The following MYOF variants were observed in gnomAD, a reference collection of about 807,000 sequenced individuals.
MYOF encodes the protein myoferlin.
A neutral mutation model predicts 284.2 loss-of-function variants in MYOF; 244 were observed. The ratio of observed to expected loss-of-function variants is 0.86; its 90% CI spans 0.77 to 0.95. The LOEUF is 0.95. MYOF is among the 40% of genes least tolerant of loss of function. The probability of loss-of-function intolerance (pLI) is 0.00; values close to 1 mark genes in which losing one functional copy is unlikely to be tolerated. For synonymous variants in MYOF, 904 were observed against 919.7 expected, an observed-to-expected ratio of 0.98 and a Z score of 0.31; for missense variants, 2,496 against 2,560.6, an observed-to-expected ratio of 0.97 and a Z score of 0.54.
At chr10:93,322,942 A>G in intron 48 of MYOF, 136 bp downstream of exon 48, 1 of 839,048 alleles carries the variant, frequency 1.2e-6, no homozygotes, top group East Asian at 2.4e-5. Context: ...GAGCTACCTA[A>G]GTAGATCACA....
At chr10:93,442,204 C>T (rs959916969) in intron 3 of MYOF, among the ~76,000 whole-genome samples, 9 of 152,130 alleles carry the variant, frequency 5.9e-5, no homozygotes, top group South Asian at 2.1e-4. Context: ...GACTGTCTGA[C>T]GGACTCATAG....
chr10:93,357,370 T>C (rs1275598065), intron 29 of MYOF, among the ~76,000 whole-genome samples: 1 of 152,216 alleles, frequency 6.6e-6, no homozygotes, highest in Non-Finnish European at 1.5e-5. Context: ...ATTCGTGTGG[T>C]ACTTTTTAGC....
intron 3 of MYOF, among the ~76,000 whole-genome samples, chr10:93,441,561 CTTT>C (rs148461507): frequency 8.8e-5 from 11 of 125,056 alleles, no homozygotes; most frequent in East Asian, 2.3e-4. Flanking sequence ...ATTTTTGTAT[CTTT>C]TTTTTTTTTT....
chr10:93,353,465 G>A (rs1303565943), intron 32 of MYOF, among the ~76,000 whole-genome samples: 1 of 151,798 alleles, frequency 6.6e-6, no homozygotes, highest in African/African-American at 2.4e-5. Flanking sequence ...AAAACTTAAA[G>A]GATCTTAACT....
intron 31 of MYOF, among the ~76,000 whole-genome samples, chr10:93,354,937 A>G (rs1334957484): frequency 6.6e-6 from 1 of 152,266 alleles, no homozygotes; most frequent in African/African-American, 2.4e-5. Flanking sequence ...GCTAAGACCT[A>G]TATAAGCATT....
intron 1 of MYOF, among the ~76,000 whole-genome samples, chr10:93,470,555 C>A (rs2057122396): frequency 6.6e-6 from 1 of 152,048 alleles, no homozygotes; most frequent in Non-Finnish European, 1.5e-5. Flanking sequence ...GTGCCCAACA[C>A]CATGCCTGGC....
rs530608285 is a variant in MYOF, at chr10:93,336,708, C to T, written c.4438-662G>A. ...CAACTTGTTGAATGGATCACTTTATCGTATGTAAAATATTTCTCAATTTAA... is the reference window on the plus strand; with the variant it reads ...CAACTTGTTGAATGGATCACTTTATTGTATGTAAAATATTTCTCAATTTAA... On this transcript the variant is annotated intron_variant, in intron 40 of 53. Transcript: ENST00000359263. 2.0e-4 allele frequency among the ~76,000 whole-genome samples: 30 copies of T among 150,992 alleles called. 1 individual carries two copies. The South Asian group carries it at 5.5e-3, about 28-fold the overall frequency.
chr10:93,367,900 A>C (rs1845400613), intron 25 of MYOF, among the ~76,000 whole-genome samples: 2 of 152,188 alleles, frequency 1.3e-5, no homozygotes, highest in Non-Finnish European at 2.9e-5. Context: ...CATTATTATT[A>C]ATGTGCCTCT....
intron 7 of MYOF, among the ~76,000 whole-genome samples, chr10:93,406,497 G>T (rs1658089585): frequency 6.6e-6 from 1 of 150,794 alleles, no homozygotes; most frequent in African/African-American, 2.4e-5. Flanking sequence ...TCAACAGGAA[G>T]CCTGCATTAT....
intron 26 of MYOF, among the ~76,000 whole-genome samples, chr10:93,366,107 T>C (rs1016889184): frequency 3.3e-5 from 5 of 152,212 alleles, no homozygotes; most frequent in African/African-American, 9.6e-5. Flanking sequence ...GCCTCCCTTG[T>C]AGGGCTGTAG....
chr10:93,353,211 A>G (rs1437553558), intron 32 of MYOF, among the ~76,000 whole-genome samples: 1 of 152,180 alleles, frequency 6.6e-6, no homozygotes, highest in Non-Finnish European at 1.5e-5. Context: ...ATCCCCAGAC[A>G]GGCATGTTCT....
chr10:93,395,929 A>G (rs1276992660), intron 16 of MYOF, among the ~76,000 whole-genome samples: 1 of 149,990 alleles, frequency 6.7e-6, no homozygotes, highest in Non-Finnish European at 1.5e-5. Flanking sequence ...TATGCATACT[A>G]GATTATGATT....
chr10:93,346,138 G>A (rs753713345), intron 37 of MYOF, among the ~76,000 whole-genome samples: 1 of 152,162 alleles, frequency 6.6e-6, no homozygotes, highest in South Asian at 2.1e-4. Context: ...TTTAGGCACC[G>A]TCAATTCAGC....
chr10:93,436,709 C>A (rs1849140686), intron 3 of MYOF, among the ~76,000 whole-genome samples: 1 of 152,104 alleles, frequency 6.6e-6, no homozygotes, highest in South Asian at 2.1e-4. Flanking sequence ...TGCCTGGATA[C>A]AAAATACTGT....
chr10:93,411,476 G>A (rs1847898170), intron 5 of MYOF, among the ~76,000 whole-genome samples: 1 of 152,190 alleles, frequency 6.6e-6, no homozygotes, highest in African/African-American at 2.4e-5. Flanking sequence ...TCACGTTCAG[G>A]GTTAGGATTT....
intron 25 of MYOF, among the ~76,000 whole-genome samples, chr10:93,368,955 T>TA (rs752425655): frequency 1.3e-5 from 2 of 152,166 alleles, no homozygotes; most frequent in Non-Finnish European, 2.9e-5. Context: ...AAAAATAGCA[T>TA]AAAAAATCAA....
intron 37 of MYOF, among the ~76,000 whole-genome samples, chr10:93,345,051 C>T (rs551704155): frequency 6.6e-6 from 1 of 152,256 alleles, no homozygotes; most frequent in African/African-American, 2.4e-5. Flanking sequence ...ATTGAGGAAG[C>T]ACCAAACAGG....
At chr10:93,460,823 C>T (rs527537588) in intron 1 of MYOF, among the ~76,000 whole-genome samples, 9 of 149,496 alleles carry the variant, frequency 6.0e-5, no homozygotes, top group South Asian at 4.2e-4. Flanking sequence ...AGGCCAGGTG[C>T]GGTGGCTGAC....
chr10:93,306,799 G>T lies in MYOF; in HGVS notation c.*164C>A. On this transcript the variant is annotated 3_prime_UTR_variant, in exon 54 of 54. Transcript: ENST00000359263. ...TGATGCAAACGTTGCTTGTTGGCCT[G>T]ACTTTCCAGGACTAAGACCCTCTGG... 2 of 694,060 alleles carry T rather than the reference G, an allele frequency of 2.9e-6. No individual in the cohort carries two copies. Among genetic ancestry groups the T allele is most frequent in the South Asian group, 3.7e-5 (2 of 53,954 alleles). 43.0% of individuals were successfully genotyped at this position (694,060 alleles called of 1,614,324 possible).
Sources: allele counts gnomAD v4.1 joint callset (sites outside exome capture counted in the v4.1 genomes callset), GRCh38; gene constraint gnomAD v4.1.1; transcripts MANE v1.5; gene names NCBI Gene and HGNC (gene_info 2026-07-23, HGNC 2026-07-21).